The following LAMB1 variants were observed in gnomAD, a reference collection of about 807,000 sequenced individuals.
LAMB1 encodes the protein laminin subunit beta 1, also known as laminin subunit beta-1.
Under a neutral mutation model 222.3 loss-of-function variants are expected in LAMB1, and 121 were observed. That is an observed-to-expected ratio of 0.54 (90% CI 0.47 to 0.63). The LOEUF is 0.63. LAMB1 is among the 30% of genes least tolerant of loss of function. The pLI is 0.00. For synonymous variants in LAMB1, 794 were observed against 807.2 expected (o/e 0.98, Z 0.28); for missense variants, 2,172 against 2,240.8 (o/e 0.97, Z 0.62).
chr7:107,998,599 T>A, intron 3 of LAMB1, 107 bp from the exon 4 acceptor site: 1 of 885,262 alleles, frequency 1.1e-6, no homozygotes, highest in African/African-American at 1.7e-5. Flanking sequence ...CCTATTAGCT[T>A]CAAGAAAAAT....
intron 4 of LAMB1, among the ~76,000 whole-genome samples, chr7:107,997,931 C>T (rs6955620): frequency 0.012 from 1,845 of 152,068 alleles, 33 homozygotes; most frequent in East Asian, 0.04. Flanking sequence ...TATCAAGACA[C>T]TTTCTGTAGA....
intron 25 of LAMB1, 93 bp downstream of exon 25, chr7:107,939,896 C>A (rs1047585317): frequency 1.5e-5 from 22 of 1,423,936 alleles, no homozygotes; most frequent in Non-Finnish European, 2.1e-5. Context: ...ACAAAACCTC[C>A]TGATGGAAGC....
chr7:107,954,579 C>G (rs948729077), intron 21 of LAMB1, among the ~76,000 whole-genome samples: 8 of 152,112 alleles, frequency 5.3e-5, no homozygotes, highest in Non-Finnish European at 1.2e-4. Context: ...TCGAGACCAT[C>G]CTGGCTAACA....
intron 7 of LAMB1, among the ~76,000 whole-genome samples, chr7:107,982,480 T>C (rs1293338044): frequency 2.0e-5 from 3 of 152,214 alleles, no homozygotes; most frequent in Non-Finnish European, 4.4e-5. Flanking sequence ...CTTAGGTTCT[T>C]TGTAAAATCA....
At chr7:107,950,425 G>C (rs1369834395) in intron 24 of LAMB1, among the ~76,000 whole-genome samples, 1 of 152,166 alleles carries the variant, frequency 6.6e-6, no homozygotes, top group Non-Finnish European at 1.5e-5. Flanking sequence ...TCCATATTTT[G>C]ACTTTAAGAT....
intron 7 of LAMB1, among the ~76,000 whole-genome samples, chr7:107,983,239 C>A (rs936657733): frequency 2.0e-5 from 3 of 152,146 alleles, no homozygotes; most frequent in African/African-American, 7.2e-5. Flanking sequence ...TGGACTTCTT[C>A]CACTCCACTC....
rs2033516717 is a variant in LAMB1, at chr7:107,962,071, AAAC to A, written c.1858-398_1858-396del. Among the ~76,000 whole-genome samples the A allele has an allele frequency of 2.0e-5, 3 of 152,280 alleles. 1 individual carries two copies. In the East Asian group the frequency reaches 5.8e-4, roughly 29 times the overall value. ...AGCTATGTGGAATGATTCTCAATAA[AAAC>A]AAAACCCTCTCTTCTCTCTTCCACT... On this transcript the variant is annotated intron_variant, in intron 15 of 33. Transcript: ENST00000222399.
chr7:107,929,690 G>A (rs1474277613), intron 29 of LAMB1, 71 bp from the exon 30 acceptor site: 2 of 1,227,058 alleles, frequency 1.6e-6, no homozygotes, highest in African/African-American at 3.0e-5. Context: ...ACCACTTACT[G>A]GTCATCTACT....
chr7:107,961,479 C>T lies in LAMB1; in HGVS notation c.1985+70G>A, dbSNP rs187920411. On this transcript the variant is annotated intron_variant, in intron 16 of 33. Transcript: ENST00000222399. ...GCTCTGAAATGGTGACTTGAAAACTCGCAAAATATTAGAAAAATACTAATT... is the reference window on the plus strand; with the variant it reads ...GCTCTGAAATGGTGACTTGAAAACTTGCAAAATATTAGAAAAATACTAATT... The T allele has an allele frequency of 5.9e-4, 942 of 1,585,036 alleles. 8 individuals are homozygous for T. Among genetic ancestry groups the T allele is most frequent in the Non-Finnish European group, 7.7e-5 (89 of 1,161,706 alleles).
chr7:107,981,086 T>A (rs1325474425), intron 7 of LAMB1, among the ~76,000 whole-genome samples: 6 of 151,936 alleles, frequency 3.9e-5, no homozygotes, highest in East Asian at 1.9e-4. Context: ...CCAAGGCAGG[T>A]GGATCACTTG....
At position 108,001,748 on chromosome 7, in the gene LAMB1, G is replaced by A. The variant is rs772613890; in HGVS notation, c.38-15C>T. On this transcript the variant is annotated splice_polypyrimidine_tract_variant and intron_variant, in intron 2 of 33. Coordinates refer to ENST00000222399, the MANE Select transcript of LAMB1 (RefSeq NM_002291.3). ...TCTGCACAGGGCTGCGGGAAGGACA[G>A]GCAACAGAGTTGGGGGGACACAAGC... The A allele has an allele frequency of 1.2e-6, 2 of 1,612,126 alleles. No individual in the cohort carries two copies. The highest frequency in any genetic ancestry group is 1.7e-6 in the Non-Finnish European group (2 of 1,179,450).
intron 27 of LAMB1, 83 bp downstream of exon 27, chr7:107,935,332 G>GGTTT (rs1370003452): frequency 2.7e-6 from 4 of 1,506,642 alleles, no homozygotes; most frequent in Non-Finnish European, 3.5e-6. Context: ...GACAAAAGAT[G>GGTTT]GTTTGTTTTT....
At chr7:107,946,540 G>A (rs1314410627) in intron 24 of LAMB1, among the ~76,000 whole-genome samples, 2 of 152,264 alleles carry the variant, frequency 1.3e-5, no homozygotes, top group East Asian at 3.8e-4. Flanking sequence ...ACAAGTGGGT[G>A]TAAAACTTAT....
At chr7:107,950,548 C>G (rs759888996) in intron 24 of LAMB1, among the ~76,000 whole-genome samples, 2 of 152,134 alleles carry the variant, frequency 1.3e-5, no homozygotes, top group African/African-American at 4.8e-5. Context: ...TCATTTCCAT[C>G]TTTTTTTGTT....
intron 5 of LAMB1, among the ~76,000 whole-genome samples, chr7:107,991,324 C>G (rs2034177282): frequency 6.6e-6 from 1 of 152,258 alleles, no homozygotes; most frequent in African/African-American, 2.4e-5. Flanking sequence ...TGGCTCATGC[C>G]TCTTTTGTAT....
chr7:107,943,721 C>T (rs1333437034), intron 24 of LAMB1, among the ~76,000 whole-genome samples: 1 of 152,150 alleles, frequency 6.6e-6, no homozygotes, highest in African/African-American at 2.4e-5. Context: ...CTGATGTTCA[C>T]AGTCACGCGA....
chr7:107,985,502 A>ATG (rs1171926511), intron 7 of LAMB1, among the ~76,000 whole-genome samples: 2 of 151,866 alleles, frequency 1.3e-5, no homozygotes, highest in African/African-American at 4.8e-5. Flanking sequence ...GGTGGCGGGC[A>ATG]CCTGTAATCC....
intron 13 of LAMB1, among the ~76,000 whole-genome samples, chr7:107,971,489 C>T (rs1584518526): frequency 6.6e-6 from 1 of 152,308 alleles, no homozygotes; most frequent in East Asian, 1.9e-4. Flanking sequence ...GGGGAAATTC[C>T]TCTTGAGGGA....
At chr7:107,940,502 T>C (rs1425154284) in intron 24 of LAMB1, 144 bp from the exon 25 acceptor site, 9 of 788,194 alleles carry the variant, frequency 1.1e-5, no homozygotes, top group Non-Finnish European at 1.6e-5. Flanking sequence ...AGGTAGAGAC[T>C]GTAGCAGCTT....
Sources: allele counts gnomAD v4.1 joint callset (sites outside exome capture counted in the v4.1 genomes callset), GRCh38; gene constraint gnomAD v4.1.1; transcripts MANE v1.5; gene names NCBI Gene and HGNC (gene_info 2026-07-23, HGNC 2026-07-21).